Variants in RBM22 observed in about 807,000 individuals in gnomAD.
The protein encoded by RBM22 is pre-mRNA-splicing factor RBM22.
In RBM22, 1 loss-of-function variant was observed where a neutral mutation model predicts 50.1. The observed-to-expected ratio is 0.02, with a 90% confidence interval of 0.01 to 0.09. RBM22 has a LOEUF of 0.09. RBM22 is among the 10% of genes least tolerant of loss of function. The pLI is 1.00. For missense variants in RBM22, 264 were observed against 529.3 expected (o/e 0.50, Z 4.92); for synonymous variants, 152 against 179.0 (o/e 0.85, Z 1.20).
Position 150,700,981 on chromosome 5 carries a change from G to A in RBM22, c.5C>T (p.Ala2Val). 6.2e-7 allele frequency: 1 copy of A among 1,614,224 alleles called. No homozygotes were observed. Among genetic ancestry groups the A allele is most frequent in the Non-Finnish European group, 8.5e-7 (1 of 1,180,032 alleles). M[A>V]TSLGSNTYNR... Reference sequence around the variant, plus strand: ...GTAGGTGTTGGAACCCAGAGAGGTCGCCATCTTGAGAGCGTCCGGAGGTAG... The same window carrying A: ...GTAGGTGTTGGAACCCAGAGAGGTCACCATCTTGAGAGCGTCCGGAGGTAG... The change falls in exon 1 of 11, where the codon GCG (alanine) becomes GTG (valine). Residue 2 changes from alanine to valine, a missense_variant. By Grantham distance (64) the Ala-to-Val change is moderately conservative. Coordinates refer to ENST00000199814, the MANE Select transcript of RBM22 (RefSeq NM_018047.3).
At position 150,695,716 on chromosome 5, in the gene RBM22, A is replaced by C. The variant is rs1031906532; in HGVS notation, c.546-10T>G. On this transcript the variant is annotated splice_polypyrimidine_tract_variant and intron_variant, in intron 6 of 10. Transcript: ENST00000199814. ...TGTAGGCTTCTCATGTCTATGATTC[A>C]AGAAAAAAACAAGGCATAAAGGTGA... 2 of 1,596,858 alleles carry C rather than the reference A, an allele frequency of 1.3e-6. No individual in the cohort carries two copies. Among genetic ancestry groups the C allele is most frequent in the African/African-American group, 2.7e-5 (2 of 74,154 alleles).
chr5:150,700,365 TA>T, intron 2 of RBM22, 78 bp downstream of exon 2: 1 of 1,402,456 alleles, frequency 7.1e-7, no homozygotes, highest in Non-Finnish European at 1.0e-6. Context: ...TCTGCTTGTC[TA>T]AGAGAAACAC....
At chr5:150,699,401 C>A in intron 2 of RBM22, 130 bp from the exon 3 acceptor site, 2 of 1,296,738 alleles carry the variant, frequency 1.5e-6, no homozygotes, top group Non-Finnish European at 1.0e-6. Flanking sequence ...AGAAAAACAG[C>A]AACAACAAAA....
chr5:150,692,801 C>A, intron 10 of RBM22, 94 bp downstream of exon 10: 9 of 1,348,984 alleles, frequency 6.7e-6, no homozygotes, highest in Non-Finnish European at 8.1e-6. Flanking sequence ...AGAGCAAACT[C>A]ACAGGATTTG....
intron 10 of RBM22, 96 bp downstream of exon 10, chr5:150,692,799 C>G (rs900598454): frequency 7.5e-7 from 1 of 1,340,962 alleles, no homozygotes; most frequent in Non-Finnish European, 1.0e-6. Flanking sequence ...ACAGAGCAAA[C>G]TCACAGGATT....
chr5:150,695,400 C>G, intron 7 of RBM22, 106 bp downstream of exon 7: 1 of 1,015,148 alleles, frequency 9.9e-7, no homozygotes, highest in Admixed American at 2.5e-5. Context: ...AGAGAGACTA[C>G]AGAAAAATGT....
chr5:150,693,147 G>T, intron 9 of RBM22, 72 bp downstream of exon 9: 1 of 1,553,482 alleles, frequency 6.4e-7, no homozygotes, highest in Admixed American at 1.8e-5. Flanking sequence ...AACCAGACCT[G>T]GGTCCCATCT....
Position 150,694,256 on chromosome 5 carries a change from C to G in RBM22, c.747-16G>C. 1 of 1,600,018 alleles carries G rather than the reference C, an allele frequency of 6.2e-7. No individual in the cohort carries two copies. The highest frequency in any genetic ancestry group is 8.5e-7 in the Non-Finnish European group (1 of 1,172,438). ...GAAATGATTTCTGAAGGGAAACAGG[C>G]AGAGAAAAATGAAAGTGGGAGTTAA... On this transcript the variant is annotated splice_polypyrimidine_tract_variant and intron_variant, in intron 7 of 10. Coordinates refer to ENST00000199814, the MANE Select transcript of RBM22 (RefSeq NM_018047.3).
chr5:150,692,970 G>A lies in RBM22; in HGVS notation c.1057C>T (p.Pro353Ser). 6.2e-7 allele frequency: 1 copy of A among 1,613,100 alleles called. No homozygotes were observed. Among genetic ancestry groups the A allele is most frequent in the Non-Finnish European group, 8.5e-7 (1 of 1,179,370 alleles). Reference protein sequence around the residue: ...EEASANYFNLPPSGPPAVVNI... With the variant: ...EEASANYFNLSPSGPPAVVNI... ...ACCACAGCTGGAGGACCACTTGGGGGCAAGTTGAAGTAGTTGGCAGAGGCT... is the reference window on the plus strand; with the variant it reads ...ACCACAGCTGGAGGACCACTTGGGGACAAGTTGAAGTAGTTGGCAGAGGCT... The change falls in exon 10 of 11, where the codon CCC becomes TCC. Residue 353 changes from proline (P) to serine (S), a missense_variant. Around this residue, in one of 7 missense-constraint regions of RBM22, gnomAD observed 106 missense variants for 137.1 expected, o/e 0.77. Transcript: ENST00000199814.
chr5:150,698,699 C>T (rs1027002464), intron 3 of RBM22, 68 bp from the exon 4 acceptor site: 2 of 1,555,556 alleles, frequency 1.3e-6, no homozygotes, highest in Non-Finnish European at 1.7e-6. Flanking sequence ...GATCTGATAA[C>T]AACGGGGCAT....
chr5:150,701,040 C>G lies in RBM22; in HGVS notation c.-55G>C, dbSNP rs1759344470. On this transcript the variant is annotated 5_prime_UTR_variant, in exon 1 of 11. Transcript: ENST00000199814. ...TCCGAATTGGGAGAGAGGACCGCCACAATCCCGTCAAGCCCCGAGGCTAGC... is the reference window on the plus strand; with the variant it reads ...TCCGAATTGGGAGAGAGGACCGCCAGAATCCCGTCAAGCCCCGAGGCTAGC... 1 of 1,610,310 alleles carries G rather than the reference C, an allele frequency of 6.2e-7. No individual in the cohort carries two copies. Among genetic ancestry groups the G allele is most frequent in the South Asian group, 1.1e-5 (1 of 91,012 alleles).
chr5:150,700,737 C>G (rs142149540), intron 1 of RBM22, 195 bp downstream of exon 1: 1 of 1,538,094 alleles, frequency 6.5e-7, no homozygotes, highest in South Asian at 1.2e-5. Flanking sequence ...GTGCTGGTCC[C>G]GGGACCCTGG....
Position 150,696,407 on chromosome 5 carries a change from T to C in RBM22, c.545+126A>G. On this transcript the variant is annotated intron_variant, in intron 6 of 10. Transcript: ENST00000199814. This position sits in a 1 kb window ranked among gnomAD's most constrained non-coding sequence, Gnocchi z 4.3. ...TTCTAAATTTCATAGTTCTAAGACA[T>C]GAGGTATACCACATTAGTTGTATGA... The C allele has an allele frequency of 9.7e-7, 1 of 1,033,968 alleles. No homozygotes were observed. The highest frequency in any genetic ancestry group is 1.4e-6 in the Non-Finnish European group (1 of 712,872). The allele number at this position is 1,033,968 out of a possible 1,614,324, so 64.0% of individuals were successfully genotyped here.
At chr5:150,698,689 G>T in intron 3 of RBM22, 58 bp from the exon 4 acceptor site, 1 of 1,592,074 alleles carries the variant, frequency 6.3e-7, no homozygotes, top group South Asian at 1.1e-5. Flanking sequence ...GCAATCTGGA[G>T]ATCTGATAAC....
At chr5:150,694,535 G>A in intron 7 of RBM22, 1 of 280,334 alleles carries the variant, frequency 3.6e-6, no homozygotes, top group Non-Finnish European at 6.4e-6. Context: ...CTAGATAAGA[G>A]GTTGGCAAAC....
At chr5:150,693,189 T>C (rs758553472) in intron 9 of RBM22, 30 bp downstream of exon 9, 3 of 1,593,724 alleles carry the variant, frequency 1.9e-6, no homozygotes, top group Non-Finnish European at 2.6e-6. Flanking sequence ...CAGAAAGAGC[T>C]TCTGAAGTCA....
In RBM22 at chr5:150,696,788, T is replaced by C; in HGVS notation, c.372+3A>G. On this transcript the variant is annotated splice_donor_region_variant and intron_variant, in intron 5 of 10. Transcript: ENST00000199814. The surrounding 1 kb of genome is among the most constrained non-coding windows in gnomAD (Gnocchi z 4.3). ...GATTTTTATCCAAAAAGTGGCAGCA[T>C]ACCTCTCTCTCCATATTCTGTGTAT... 1 of 1,614,092 alleles carries C rather than the reference T, an allele frequency of 6.2e-7. No individual in the cohort carries two copies. Among genetic ancestry groups the C allele is most frequent in the Non-Finnish European group, 8.5e-7 (1 of 1,179,912 alleles).
intron 2 of RBM22, 35 bp from the exon 3 acceptor site, chr5:150,699,306 T>A: frequency 6.5e-7 from 1 of 1,543,106 alleles, no homozygotes; most frequent in Non-Finnish European, 8.7e-7. Flanking sequence ...GAACTGGAGT[T>A]ACAGAAAGAA....
In RBM22 at chr5:150,700,621, T is replaced by A. The variant is rs1161885036; in HGVS notation, c.55-124A>T. The A allele has an allele frequency of 3.9e-6, 6 of 1,552,590 alleles. No individual in the cohort carries two copies. The Middle Eastern group carries it at 6.7e-4, about 173-fold the overall frequency. ...AACTAGGCACGGCAGGAACCCGAAG[T>A]CCATCACGACCCGATCGCGGGAGGG... is the stretch of plus-strand genomic sequence containing the variant. On this transcript the variant is annotated intron_variant, in intron 1 of 10. Transcript: ENST00000199814.
Sources: gnomAD v4.1 joint callset for allele counts on GRCh38, gnomAD v4.1.1 for gene constraint, gnomAD v4.1.1 regional missense constraint, Gnocchi (gnomAD v3.1) non-coding constraint, MANE v1.5 for transcripts, NCBI Gene and HGNC (gene_info 2026-07-23, HGNC 2026-07-21) for gene names.